Variants in CYFIP1 observed in about 807,000 individuals in gnomAD.
CYFIP1 encodes cytoplasmic FMR1-interacting protein 1.
A neutral mutation model predicts 163.5 loss-of-function variants in CYFIP1; 58 were observed. The observed-to-expected ratio is 0.35, with a 90% CI of 0.29 to 0.44. The LOEUF is 0.44. Among genes scored for constraint, CYFIP1 ranks in the 20% least tolerant of loss-of-function variants. CYFIP1 has a pLI of 1.00. For missense variants in CYFIP1, 1,338 were observed against 1,653.8 expected, an observed-to-expected ratio of 0.81 and a Z score of 3.31; for synonymous variants, 663 against 660.7, an observed-to-expected ratio of 1.00 and a Z score of -0.05.
intron 21 of CYFIP1, among the ~76,000 whole-genome samples, chr15:22,908,439 A>G (rs778527245): frequency 2.0e-5 from 3 of 151,592 alleles, no homozygotes; most frequent in Non-Finnish European, 4.4e-5. Context: ...ATGAATTCAG[A>G]CAGCCAAGCG....
At chr15:22,908,529 T>C (rs1245575566) in intron 21 of CYFIP1, among the ~76,000 whole-genome samples, 3 of 130,356 alleles carry the variant, frequency 2.3e-5, no homozygotes, top group Non-Finnish European at 4.9e-5. Context: ...TTTTTTTTTT[T>C]TTTTTTTTTT....
In CYFIP1 at chr15:22,869,810, A is replaced by T; in HGVS notation, c.*218T>A. On this transcript the variant is annotated 3_prime_UTR_variant, in exon 31 of 31. Transcript: ENST00000617928. ...AATTTTGTAGGAACGTGATGGCAAC[A>T]ATCAGCAGCCAATATTCTCAAGAGT... The T allele has an allele frequency of 2.5e-6, 1 of 405,240 alleles. No individual in the cohort carries two copies. The highest frequency in any genetic ancestry group is 4.2e-6 in the Non-Finnish European group (1 of 235,336). 25.1% of individuals were successfully genotyped at this position (405,240 alleles called of 1,614,324 possible). A position where few individuals can be genotyped will look rare whatever the true frequency, so the allele number is the denominator to read the frequency against.
Position 22,873,588 on chromosome 15 carries a change from C to T in CYFIP1, c.3352G>A (p.Val1118Ile). The T allele has an allele frequency of 1.2e-6, 2 of 1,614,276 alleles. No homozygotes were observed. The highest frequency in any genetic ancestry group is 1.7e-6 in the Non-Finnish European group (2 of 1,180,046). ...TCCACACACTCGTCCACATGCATGA[C>T]CCCATTGCTGGGCAGAGGCCCGCGC... ...IWRGPLPSNG[V>I]MHVDECVEFH... The change falls in exon 29 of 31, where the codon GTC becomes ATC. Residue 1118 changes from valine (V) to isoleucine (I), a missense_variant. Around this residue, in one of 4 missense-constraint regions of CYFIP1, gnomAD observed 306 missense variants for 322.1 expected, o/e 0.95. Transcript: ENST00000617928.
At chr15:22,940,825 G>C (rs1415428629) in intron 6 of CYFIP1, among the ~76,000 whole-genome samples, 1 of 152,174 alleles carries the variant, frequency 6.6e-6, no homozygotes, top group Non-Finnish European at 1.5e-5. Flanking sequence ...CAAATCACTT[G>C]AGTCAGGCGT....
intron 8 of CYFIP1, among the ~76,000 whole-genome samples, chr15:22,937,986 A>C (rs2061770741): frequency 6.6e-6 from 1 of 152,140 alleles, no homozygotes; most frequent in African/African-American, 2.4e-5. Flanking sequence ...CTCCCACACC[A>C]GCCGGTGCAG....
intron 22 of CYFIP1, among the ~76,000 whole-genome samples, chr15:22,894,744 TATA>T (rs895589822): frequency 1.3e-5 from 2 of 150,250 alleles, no homozygotes; most frequent in Admixed American, 1.3e-4. Flanking sequence ...AATTACTCTT[TATA>T]ATATTATTTA....
In CYFIP1 at chr15:22,939,202, A is replaced by G. The variant is rs1031643525; in HGVS notation, c.785T>C (p.Met262Thr). The G allele has an allele frequency of 4.3e-6, 7 of 1,614,178 alleles. No individual in the cohort carries two copies. The highest frequency in any genetic ancestry group is 2.2e-5 in the East Asian group (1 of 44,874). The change falls in exon 8 of 31, where the codon ATG (methionine) becomes ACG (threonine). Residue 262 changes from methionine to threonine, a missense_variant. Physicochemically the swap from Met to Thr is moderately conservative, Grantham distance 81. This residue lies in a region of CYFIP1 where 824 missense variants were observed against 995.7 expected (regional missense o/e 0.83). Transcript: ENST00000617928. The part of the protein sequence containing the change: ...RMYLTPSEKH[M>T]LLKVMGFGLY... ...TCCCCACACACGTACTTTGAGAAGC[A>G]TGTGTTTCTCACTGGGCGTCAAATA...
Position 22,893,322 on chromosome 15 carries a change from G to A in CYFIP1, c.2589-345C>T, listed in dbSNP as rs78803339. ...TGGGGCAGCTGCCTGTGACGAGAACGGCGACGCCCCGGTGGTTCAGATCAC... is the reference window on the plus strand; with the variant it reads ...TGGGGCAGCTGCCTGTGACGAGAACAGCGACGCCCCGGTGGTTCAGATCAC... On this transcript the variant is annotated intron_variant, in intron 22 of 30. Coordinates refer to ENST00000617928, the MANE Select transcript of CYFIP1 (RefSeq NM_014608.6). Among the ~76,000 whole-genome samples, 71 of 152,206 alleles carry A rather than the reference G, an allele frequency of 4.7e-4. No individual in the cohort carries two copies. In the East Asian group the frequency reaches 9.9e-3, roughly 21 times the overall value.
rs188425462 is a variant in CYFIP1, at chr15:22,867,692, G to C, written c.*2336C>G. ...AGACTAGGGTTGTTTCTTAAATTTA[G>C]CTCATGTTATAATAAAAAGTTGAAA... On this transcript the variant is annotated 3_prime_UTR_variant, in exon 31 of 31. Transcript: ENST00000617928. 187 of 152,408 alleles carry C rather than the reference G, an allele frequency of 1.2e-3. 1 individual carries two copies. The highest frequency in any genetic ancestry group is 1.7e-3 in the Non-Finnish European group (113 of 68,252). 9.4% of individuals were successfully genotyped at this position (152,408 alleles called of 1,614,324 possible).
intron 28 of CYFIP1, 111 bp from the exon 29 acceptor site, chr15:22,873,840 G>A: frequency 1.0e-6 from 1 of 956,234 alleles, no homozygotes; most frequent in Non-Finnish European, 1.6e-6. Flanking sequence ...TGCCTAGGCT[G>A]GAGTGCAGTG....
intron 1 of CYFIP1, among the ~76,000 whole-genome samples, chr15:22,964,353 T>TCA (rs71117466): frequency 0.088 from 6,897 of 78,366 alleles, 318 homozygotes; most frequent in Admixed American, 0.12. Flanking sequence ...ACCTCATCAC[T>TCA]CACACACACA....
intron 6 of CYFIP1, among the ~76,000 whole-genome samples, chr15:22,942,367 C>T (rs1445800416): frequency 6.6e-6 from 1 of 152,224 alleles, no homozygotes; most frequent in Non-Finnish European, 1.5e-5. Flanking sequence ...GCATCTCATT[C>T]CAGCAAAACA....
intron 18 of CYFIP1, 103 bp downstream of exon 18, chr15:22,912,076 C>T: frequency 9.3e-7 from 1 of 1,077,484 alleles, no homozygotes; most frequent in East Asian, 2.6e-5. Flanking sequence ...GTGGTTTATA[C>T]TGTCTTATAT....
chr15:22,916,540 T>A lies in CYFIP1; in HGVS notation c.1765A>T (p.Ile589Leu), dbSNP rs747771841. 1 of 1,614,120 alleles carries A rather than the reference T, an allele frequency of 6.2e-7. No homozygotes were observed. The highest frequency in any genetic ancestry group is 1.3e-5 in the African/African-American group (1 of 75,038). The part of the protein sequence containing the change: ...TLRSSLEGPT[I>L]LDIEKFHRES... ...CGATGAAATTTTTCTATGTCCAATA[T>A]GGTGGGCCCCTCAAGGCTACTTCTC... The change falls in exon 16 of 31, where the codon ATA becomes TTA. Residue 589 changes from isoleucine (I) to leucine (L), a missense_variant. Physicochemically the swap from Ile to Leu is conservative, Grantham distance 5 (BLOSUM62 2). Transcript: ENST00000617928.
chr15:22,978,343 ACT>A (rs1336566253), intron 1 of CYFIP1, among the ~76,000 whole-genome samples: 5 of 118,046 alleles, frequency 4.2e-5, no homozygotes, highest in Non-Finnish European at 8.3e-5. Flanking sequence ...CAGAGTTAAG[ACT>A]CTGTCACAAA....
intron 19 of CYFIP1, 30 bp from the exon 20 acceptor site, chr15:22,910,658 C>A: frequency 6.2e-7 from 1 of 1,608,924 alleles, no homozygotes; most frequent in Non-Finnish European, 8.5e-7. Flanking sequence ...GAAAGTTTTT[C>A]ATACGCCATA....
chr15:22,934,281 G>A (rs1446552397), intron 9 of CYFIP1, among the ~76,000 whole-genome samples: 2 of 133,030 alleles, frequency 1.5e-5, no homozygotes, highest in Non-Finnish European at 3.1e-5. Context: ...CCACCTCCCA[G>A]GTTCACATCA....
intron 1 of CYFIP1, among the ~76,000 whole-genome samples, chr15:22,964,098 T>G (rs1397154252): frequency 5.3e-5 from 8 of 151,918 alleles, no homozygotes; most frequent in African/African-American, 1.7e-4. Flanking sequence ...GGTTTACATA[T>G]ATGTGTACCT....
In CYFIP1 at chr15:22,917,107, G is replaced by A. The variant is rs191519859; in HGVS notation, c.1675-477C>T. The A allele has an allele frequency of 5.8e-4, 852 of 1,459,464 alleles. 7 individuals carry two copies. In the African/African-American group the frequency reaches 8.9e-3, roughly 15 times the overall value. The allele number at this position is 1,459,464 out of a possible 1,614,324, so 90.4% of individuals were successfully genotyped here. A position where few individuals can be genotyped will look rare whatever the true frequency, so the allele number is the denominator to read the frequency against. ...ACACACACACCCCAGGCAGGGACAC[G>A]GGACGCACGCAGAGGGAGGCAGGGA... On this transcript the variant is annotated intron_variant, in intron 15 of 30. Coordinates refer to ENST00000617928, the MANE Select transcript of CYFIP1 (RefSeq NM_014608.6). This position sits in a 1 kb window ranked among gnomAD's most constrained non-coding sequence, Gnocchi z 4.2.
Sources: gnomAD v4.1 joint callset for allele counts (sites outside exome capture counted in the v4.1 genomes callset) on GRCh38, gnomAD v4.1.1 for gene constraint, gnomAD v4.1.1 regional missense constraint, Gnocchi (gnomAD v3.1) non-coding constraint, MANE v1.5 for transcripts, NCBI Gene and HGNC (gene_info 2026-07-23, HGNC 2026-07-21) for gene names.